LYPD6: variants seen among roughly 807,000 people sequenced by gnomAD.
The protein encoded by LYPD6 is LY6/PLAUR domain containing 6.
LYPD6 carries 15 observed loss-of-function variants against 22.7 expected under a neutral mutation model. The ratio of observed to expected loss-of-function variants is 0.66; its 90% CI spans 0.44 to 1.02. The LOEUF (loss-of-function observed/expected upper bound fraction) is 1.02, where lower values mean the gene tolerates loss of function less well. Ranked by LOEUF, LYPD6 falls within the 50% of genes least tolerant of loss-of-function variation. LYPD6 has a pLI of 0.00. For missense variants in LYPD6, 189 were observed against 208.4 expected (o/e 0.91, Z 0.57); for synonymous variants, 72 against 77.5 (o/e 0.93, Z 0.37).
chr2:149,404,134 A>G (rs1682633042), intron 1 of LYPD6, among the ~76,000 whole-genome samples: 1 of 152,152 alleles, frequency 6.6e-6, no homozygotes, highest in Non-Finnish European at 1.5e-5. Context: ...TGGTTACTGT[A>G]GGCTTGTAGT....
intron 1 of LYPD6, among the ~76,000 whole-genome samples, chr2:149,435,250 C>T (rs1368742329): frequency 6.6e-6 from 1 of 152,226 alleles, no homozygotes; most frequent in African/African-American, 2.4e-5. Context: ...TGTATAAGCC[C>T]CCCAGTCTAT....
Position 149,470,987 on chromosome 2 carries a change from C to T in LYPD6, c.*137C>T, listed in dbSNP as rs1681322204. The T allele has an allele frequency of 4.1e-6, 3 of 737,282 alleles. No individual in the cohort carries two copies. The highest frequency in any genetic ancestry group is 4.4e-6 in the Non-Finnish European group (2 of 454,936). 45.7% of individuals were successfully genotyped at this position (737,282 alleles called of 1,614,324 possible). On this transcript the variant is annotated 3_prime_UTR_variant, in exon 5 of 5. Transcript: ENST00000334166. Reference sequence around the variant, plus strand: ...GGAGGTCATCACAGCCAAGCATTGCCACTTACCATGAGGAATAAATGTTGC... The same window carrying T: ...GGAGGTCATCACAGCCAAGCATTGCTACTTACCATGAGGAATAAATGTTGC...
chr2:149,421,248 G>A (rs1166609223), intron 1 of LYPD6, among the ~76,000 whole-genome samples: 4 of 151,948 alleles, frequency 2.6e-5, no homozygotes, highest in Admixed American at 6.6e-5. Context: ...ACATTAGCCC[G>A]GCCTGGTGGC....
At chr2:149,346,989 G>A (rs1451370580) in intron 1 of LYPD6, among the ~76,000 whole-genome samples, 2 of 152,146 alleles carry the variant, frequency 1.3e-5, no homozygotes, top group Non-Finnish European at 1.5e-5. Context: ...GTGAGCCACT[G>A]CGCCCTGCCT....
chr2:149,379,594 C>G (rs1345954545), intron 1 of LYPD6, among the ~76,000 whole-genome samples: 1 of 152,144 alleles, frequency 6.6e-6, no homozygotes, highest in African/African-American at 2.4e-5. Context: ...GTGGGTGCTT[C>G]AGTTCTGTGT....
At chr2:149,339,208 T>A (rs1037512558) in intron 1 of LYPD6, among the ~76,000 whole-genome samples, 1 of 152,170 alleles carries the variant, frequency 6.6e-6, no homozygotes, top group Admixed American at 6.6e-5. Flanking sequence ...AGACTACGTA[T>A]AACCAGAAGG....
chr2:149,384,691 T>G (rs1340556860), intron 1 of LYPD6, among the ~76,000 whole-genome samples: 5 of 152,188 alleles, frequency 3.3e-5, no homozygotes, highest in African/African-American at 1.2e-4. Flanking sequence ...CTTCCCTTAC[T>G]CCTCTCCAGG....
chr2:149,437,956 AT>A, intron 2 of LYPD6, 130 bp downstream of exon 2: 1 of 1,042,960 alleles, frequency 9.6e-7, no homozygotes, highest in Non-Finnish European at 1.4e-6. Context: ...TGGTGCGGTA[AT>A]TTACAAAAGA....
intron 2 of LYPD6, among the ~76,000 whole-genome samples, chr2:149,447,235 C>T (rs1220915318): frequency 6.6e-6 from 1 of 152,188 alleles, no homozygotes; most frequent in African/African-American, 2.4e-5. Flanking sequence ...CGGTGATCCT[C>T]ATCTTTTTGT....
At chr2:149,414,158 T>C (rs1474525363) in intron 1 of LYPD6, among the ~76,000 whole-genome samples, 1 of 152,218 alleles carries the variant, frequency 6.6e-6, no homozygotes, top group Non-Finnish European at 1.5e-5. Flanking sequence ...TTGTACCTTT[T>C]TTCTTCCCTC....
At chr2:149,442,650 A>G (rs916569512) in intron 2 of LYPD6, among the ~76,000 whole-genome samples, 1 of 152,156 alleles carries the variant, frequency 6.6e-6, no homozygotes, top group Admixed American at 6.5e-5. Context: ...CCTTTAAAAA[A>G]AAAAAAAAAA....
chr2:149,402,508 TG>T (rs896004385), intron 1 of LYPD6, among the ~76,000 whole-genome samples: 3 of 152,188 alleles, frequency 2.0e-5, no homozygotes, highest in Admixed American at 2.0e-4. Flanking sequence ...CCACTAACAG[TG>T]TAGACGTTTT....
chr2:149,361,935 G>T (rs1365059938), intron 1 of LYPD6, among the ~76,000 whole-genome samples: 1 of 152,114 alleles, frequency 6.6e-6, no homozygotes, highest in Admixed American at 6.6e-5. Flanking sequence ...GCATAGAGAG[G>T]GGATAGTCAG....
At chr2:149,456,757 A>G (rs1022152501) in intron 3 of LYPD6, among the ~76,000 whole-genome samples, 1 of 152,202 alleles carries the variant, frequency 6.6e-6, no homozygotes, top group Non-Finnish European at 1.5e-5. Flanking sequence ...CAGGACTGTG[A>G]GAAAACCTTT....
At chr2:149,445,139 G>A (rs909018053) in intron 2 of LYPD6, among the ~76,000 whole-genome samples, 2 of 152,118 alleles carry the variant, frequency 1.3e-5, no homozygotes, top group African/African-American at 4.8e-5. Flanking sequence ...CAGCTGTATT[G>A]CCAATGAGCA....
At position 149,472,210 on chromosome 2, in the gene LYPD6, A is replaced by G. The variant is rs907571627; in HGVS notation, c.*1360A>G. 1.3e-5 allele frequency: 2 copies of G among 152,218 alleles called. No homozygotes were observed. Among genetic ancestry groups the G allele is most frequent in the African/African-American group, 4.8e-5 (2 of 41,458 alleles). 9.4% of individuals were successfully genotyped at this position (152,218 alleles called of 1,614,324 possible). A position where few individuals can be genotyped will look rare whatever the true frequency, so the allele number is the denominator to read the frequency against. On this transcript the variant is annotated 3_prime_UTR_variant, in exon 5 of 5. Coordinates refer to ENST00000334166, the MANE Select transcript of LYPD6 (RefSeq NM_194317.5). ...AGAATACATATTTTTCAACAGTGGT[A>G]GAGCTTTTAATATATGTTTATTGAA...
chr2:149,389,679 T>G (rs577586292), intron 1 of LYPD6, among the ~76,000 whole-genome samples: 2 of 152,282 alleles, frequency 1.3e-5, no homozygotes, highest in South Asian at 4.2e-4. Flanking sequence ...GTTTGGTATC[T>G]TTATTTTTGG....
At chr2:149,351,132 C>T (rs556372046) in intron 1 of LYPD6, among the ~76,000 whole-genome samples, 6 of 152,222 alleles carry the variant, frequency 3.9e-5, no homozygotes, top group Non-Finnish European at 7.4e-5. Flanking sequence ...TGGTGGCTCA[C>T]GCCTGTAATC....
At chr2:149,381,392 C>G (rs568510161) in intron 1 of LYPD6, among the ~76,000 whole-genome samples, 2 of 152,174 alleles carry the variant, frequency 1.3e-5, no homozygotes, top group Admixed American at 6.5e-5. Context: ...GGTCTGTTGA[C>G]GAGGTGGCCC....
Sources: allele counts gnomAD v4.1 joint callset (sites outside exome capture counted in the v4.1 genomes callset), GRCh38; gene constraint gnomAD v4.1.1; transcripts MANE v1.5; gene names NCBI Gene and HGNC (gene_info 2026-07-23, HGNC 2026-07-21).